Variants in DNAH8 observed in about 807,000 individuals in gnomAD.
The protein encoded by DNAH8 is axonemal beta dynein heavy chain 8.
DNAH8 carries 382 observed loss-of-function variants against 562.1 expected under a neutral mutation model. That is an observed-to-expected ratio of 0.68 (90% CI 0.63 to 0.74). DNAH8 has a LOEUF of 0.74. DNAH8 is among the 30% of genes least tolerant of loss of function. DNAH8 has a pLI of 0.00. For synonymous variants in DNAH8, 1,881 were observed against 1,919.4 expected (o/e 0.98, Z 0.52); for missense variants, 5,203 against 5,620.4 (o/e 0.93, Z 2.37).
At chr6:38,856,995 A>G (rs1006051557) in intron 41 of DNAH8, among the ~76,000 whole-genome samples, 4 of 152,170 alleles carry the variant, frequency 2.6e-5, no homozygotes, top group Non-Finnish European at 5.9e-5. Context: ...AAAGAATACA[A>G]GCTTCTCCCC....
chr6:38,903,355 T>G (rs1780203503), intron 62 of DNAH8, among the ~76,000 whole-genome samples: 1 of 151,764 alleles, frequency 6.6e-6, no homozygotes, highest in African/African-American at 2.4e-5. Context: ...AGAGCTGGAG[T>G]GAGAGAGTGA....
chr6:38,759,544 T>C (rs937306024), intron 10 of DNAH8, among the ~76,000 whole-genome samples: 3 of 152,196 alleles, frequency 2.0e-5, no homozygotes, highest in African/African-American at 2.4e-5. Flanking sequence ...ATGTCCCACA[T>C]TGAGATCATT....
chr6:38,878,196 G>A (rs959936127), intron 53 of DNAH8, among the ~76,000 whole-genome samples: 3 of 152,144 alleles, frequency 2.0e-5, no homozygotes, highest in African/African-American at 7.2e-5. Flanking sequence ...TAAATATATG[G>A]AAGACTTTAA....
rs1244487274 is a variant in DNAH8, at chr6:38,913,842, TG to T, written c.9860-6del. The T allele has an allele frequency of 6.2e-7, 1 of 1,606,582 alleles. No individual in the cohort carries two copies. The highest frequency in any genetic ancestry group is 2.2e-5 in the East Asian group (1 of 44,670). On this transcript the variant is annotated splice_polypyrimidine_tract_variant and splice_region_variant and intron_variant, in intron 66 of 92. Coordinates refer to ENST00000327475, the MANE Select transcript of DNAH8 (RefSeq NM_001206927.2). ...CAGTAAAGGTATATATGTGTGTATT[TG>T]TAAAGGTCTTGATAAACTAATGGAG...
chr6:38,725,754 G>T (rs538727717), intron 3 of DNAH8, among the ~76,000 whole-genome samples: 1 of 152,098 alleles, frequency 6.6e-6, no homozygotes, highest in Non-Finnish European at 1.5e-5. Flanking sequence ...TTGGTTTGAT[G>T]ATCTTTTGTC....
intron 53 of DNAH8, among the ~76,000 whole-genome samples, chr6:38,877,171 G>A (rs1006513318): frequency 2.0e-5 from 3 of 152,142 alleles, no homozygotes; most frequent in Non-Finnish European, 2.9e-5. Context: ...TTCAGAGGCC[G>A]GGCCCCAAGT....
chr6:38,807,271 T>C (rs919647584), intron 23 of DNAH8, among the ~76,000 whole-genome samples: 2 of 152,220 alleles, frequency 1.3e-5, no homozygotes, highest in Non-Finnish European at 1.5e-5. Context: ...CATTGAGAAA[T>C]GTACCACATT....
At chr6:39,004,254 C>T (rs1419123771) in intron 88 of DNAH8, among the ~76,000 whole-genome samples, 2 of 151,988 alleles carry the variant, frequency 1.3e-5, no homozygotes, top group African/African-American at 4.8e-5. Flanking sequence ...TATTTACTTT[C>T]CTTTCTCTTA....
chr6:39,013,288 G>A (rs1293085522), intron 91 of DNAH8, among the ~76,000 whole-genome samples: 4 of 152,182 alleles, frequency 2.6e-5, no homozygotes, highest in African/African-American at 9.6e-5. Flanking sequence ...TGGTGAAAAT[G>A]AAGAAATGTT....
Position 38,883,569 on chromosome 6 carries a change from C to T in DNAH8, c.8136+113C>T, listed in dbSNP as rs968597672. ...AAAATATTATATATTCAAAAGAAAT[C>T]ATGCTGCACTTGGCATTCAGCTGTT... On this transcript the variant is annotated intron_variant, in intron 55 of 92. Coordinates refer to ENST00000327475, the MANE Select transcript of DNAH8 (RefSeq NM_001206927.2). 40 of 1,197,408 alleles carry T rather than the reference C, an allele frequency of 3.3e-5. 1 individual carries two copies. In the African/African-American group the frequency reaches 6.3e-4, roughly 19 times the overall value. The allele number at this position is 1,197,408 out of a possible 1,614,324, so 74.2% of individuals were successfully genotyped here.
intron 24 of DNAH8, among the ~76,000 whole-genome samples, chr6:38,808,082 TATA>T (rs1201927091): frequency 6.6e-6 from 1 of 152,216 alleles, no homozygotes; most frequent in Non-Finnish European, 1.5e-5. Flanking sequence ...CTGTGCTTGG[TATA>T]ATGTTTTTGA....
chr6:38,899,852 C>G lies in DNAH8; in HGVS notation c.9140C>G (p.Ser3047Ter). Residue 3047 changes from serine (S) to a stop codon, truncating the protein, a stop_gained, in exon 62 of 93, where the codon TCA becomes TGA. Transcript: ENST00000327475. LOFTEE classifies it high-confidence loss of function. ...GVGGSGKQSLSRLASFIAGYQ... is the reference protein window; with the variant it reads ...GVGGSGKQSL ...GGTGGTTCCGGAAAACAAAGTCTTT[C>G]AAGATTGGCCTCTTTTATTGCTGGC... 6.2e-7 allele frequency: 1 copy of G among 1,610,656 alleles called. No individual in the cohort carries two copies. Among genetic ancestry groups the G allele is most frequent in the Non-Finnish European group, 8.5e-7 (1 of 1,178,746 alleles).
Position 39,030,377 on chromosome 6 carries a change from G to T in DNAH8, c.14109G>T (p.Leu4703Phe). The T allele has an allele frequency of 6.2e-7, 1 of 1,613,884 alleles. No homozygotes were observed. Among genetic ancestry groups the T allele is most frequent in the Non-Finnish European group, 8.5e-7 (1 of 1,179,844 alleles). Residue 4703 changes from leucine (L) to phenylalanine (F), a missense_variant, in exon 93 of 93, where the codon TTG becomes TTT. This residue lies in a region of DNAH8 where 1,399 missense variants were observed against 1,518.4 expected (regional missense o/e 0.92). Transcript: ENST00000327475. Reference protein sequence around the residue: ...DHWILRGVALLCDIK With the variant: ...DHWILRGVALFCDIK ...GGATCCTGAGAGGAGTGGCCCTTTT[G>T]TGTGACATCAAGTAAGTTCATTTCC...
chr6:38,976,085 G>T (rs1303465966), intron 85 of DNAH8, among the ~76,000 whole-genome samples: 1 of 152,218 alleles, frequency 6.6e-6, no homozygotes, highest in Non-Finnish European at 1.5e-5. Context: ...AGTTACCAGT[G>T]GAGTGTCCAG....
rs376697842 is a variant in DNAH8, at chr6:38,761,402, A to C, written c.1516-300A>C. Among the ~76,000 whole-genome samples the C allele has an allele frequency of 8.7e-5, 13 of 150,270 alleles. No homozygotes were observed. In the South Asian group the frequency reaches 1.9e-3, roughly 22 times the overall value. ...TCAGTTCATCAATAGAATTTGTTTT[A>C]AAATTCTGACAATGAAAATTCCAAT... is the stretch of plus-strand genomic sequence containing the variant. On this transcript the variant is annotated intron_variant, in intron 10 of 92. Coordinates refer to ENST00000327475, the MANE Select transcript of DNAH8 (RefSeq NM_001206927.2).
chr6:38,833,471 C>T (rs1483800933), intron 31 of DNAH8, among the ~76,000 whole-genome samples: 1 of 152,068 alleles, frequency 6.6e-6, no homozygotes, highest in Non-Finnish European at 1.5e-5. Flanking sequence ...AATCCCTGAA[C>T]AGACACAGCC....
chr6:38,816,110 C>CCCT (rs1486414444), intron 26 of DNAH8, among the ~76,000 whole-genome samples: 1 of 151,184 alleles, frequency 6.6e-6, no homozygotes, highest in Non-Finnish European at 1.5e-5. Context: ...GGTACATGTG[C>CCCT]AGGATGTGTA....
At position 38,872,640 on chromosome 6, in the gene DNAH8, C is replaced by T. The variant is rs777410917; in HGVS notation, c.7095C>T (p.Cys2365=). The T allele has an allele frequency of 6.8e-6, 11 of 1,613,886 alleles. No homozygotes were observed. In the South Asian group the frequency reaches 1.1e-4, roughly 16 times the overall value. The part of the protein sequence containing the change: ...ITILMKAQTE[C]GRPHREMRMN... ...TTCTAATGAAGGCGCAAACAGAATGCGGAAGGCCTCATAGAGAAATGCGAA... is the reference window on the plus strand; with the variant it reads ...TTCTAATGAAGGCGCAAACAGAATGTGGAAGGCCTCATAGAGAAATGCGAA... Residue 2365 remains cysteine, a synonymous_variant, in exon 50 of 93, where the codon TGC becomes TGT. Transcript: ENST00000327475.
At chr6:38,943,537 CT>C (rs1783621598) in intron 79 of DNAH8, among the ~76,000 whole-genome samples, 1 of 152,066 alleles carries the variant, frequency 6.6e-6, no homozygotes, top group Admixed American at 6.5e-5. Flanking sequence ...TGCAAGGTGC[CT>C]TTGACTTTCT....
Sources: gnomAD v4.1 joint callset for allele counts (sites outside exome capture counted in the v4.1 genomes callset) on GRCh38, gnomAD v4.1.1 for gene constraint, gnomAD v4.1.1 regional missense constraint, MANE v1.5 for transcripts, NCBI Gene and HGNC (gene_info 2026-07-23, HGNC 2026-07-21) for gene names.